Variants in GALNT13 observed in about 807,000 individuals in gnomAD.
The protein encoded by GALNT13 is polypeptide N-acetylgalactosaminyltransferase 13.
GALNT13 carries 28 observed loss-of-function variants against 64.2 expected under a neutral mutation model. That is an observed-to-expected ratio of 0.44 (90% CI 0.32 to 0.60). The LOEUF is 0.60. GALNT13 is among the 20% of genes least tolerant of loss of function. GALNT13 has a pLI of 0.05. For missense variants in GALNT13, 577 were observed against 669.8 expected (o/e 0.86, Z 1.53); for synonymous variants, 214 against 224.6 (o/e 0.95, Z 0.42).
intron 3 of GALNT13, among the ~76,000 whole-genome samples, chr2:154,050,074 C>G (rs1699502761): frequency 6.6e-6 from 1 of 152,000 alleles, no homozygotes; most frequent in South Asian, 2.1e-4. Context: ...ATATTTATGT[C>G]AGTTTTACTT....
At chr2:154,193,676 A>G (rs972254747) in intron 4 of GALNT13, among the ~76,000 whole-genome samples, 1 of 152,166 alleles carries the variant, frequency 6.6e-6, no homozygotes, top group Non-Finnish European at 1.5e-5. Context: ...TAACTCATGT[A>G]ATTTACCTCC....
the GALNT13 span, among the ~76,000 whole-genome samples, chr2:153,253,004 A>G: frequency 2.6e-5 from 4 of 151,674 alleles, no homozygotes; most frequent in Non-Finnish European, 5.9e-5. Flanking sequence ...CAATTCTGTG[A>G]AGAAAGTCAT....
intron 3 of GALNT13, among the ~76,000 whole-genome samples, chr2:154,104,060 CG>C (rs1387701897): frequency 6.6e-6 from 1 of 151,988 alleles, no homozygotes. Context: ...GGCCCAGGTG[CG>C]GGAGGAGACT....
chr2:153,365,541 T>G, the GALNT13 span, among the ~76,000 whole-genome samples: 1 of 151,876 alleles, frequency 6.6e-6, no homozygotes, highest in Non-Finnish European at 1.5e-5. Flanking sequence ...TTAAGCAAAT[T>G]TACAAGAAAA....
At chr2:154,392,513 A>G (rs1388217002) in intron 9 of GALNT13, among the ~76,000 whole-genome samples, 2 of 152,042 alleles carry the variant, frequency 1.3e-5, no homozygotes, top group East Asian at 3.9e-4. Flanking sequence ...GACAAATGTA[A>G]TTTTCTCAAG....
chr2:153,844,753 A>G, the GALNT13 span, among the ~76,000 whole-genome samples: 1 of 152,106 alleles, frequency 6.6e-6, no homozygotes, highest in Non-Finnish European at 1.5e-5. Context: ...TCTCACATCT[A>G]AGCTTAGGCT....
the GALNT13 span, among the ~76,000 whole-genome samples, chr2:153,798,595 A>G: frequency 6.6e-6 from 1 of 152,194 alleles, no homozygotes; most frequent in African/African-American, 2.4e-5. Context: ...GGTTTAAGAT[A>G]CAACCAATTA....
chr2:154,024,590 T>C (rs1242364419), intron 3 of GALNT13, among the ~76,000 whole-genome samples: 1 of 152,164 alleles, frequency 6.6e-6, no homozygotes, highest in East Asian at 1.9e-4. Context: ...GTTATCCATT[T>C]GTCTAATTTT....
At chr2:153,576,289 C>T in the GALNT13 span, among the ~76,000 whole-genome samples, 190 of 152,192 alleles carry the variant, frequency 1.2e-3, 1 homozygote, top group African/African-American at 4.2e-3. Flanking sequence ...CGAGTGCCCC[C>T]CATCCACAGT....
chr2:153,385,665 A>G, the GALNT13 span, among the ~76,000 whole-genome samples: 1 of 152,006 alleles, frequency 6.6e-6, no homozygotes, highest in Non-Finnish European at 1.5e-5. Context: ...AGTGATTATA[A>G]TCAATAATAA....
chr2:154,055,181 C>G (rs1299276941), intron 3 of GALNT13, among the ~76,000 whole-genome samples: 1 of 151,202 alleles, frequency 6.6e-6, no homozygotes, highest in Non-Finnish European at 1.5e-5. Flanking sequence ...TGTGTAGATA[C>G]AGCTATCAGT....
intron 8 of GALNT13, among the ~76,000 whole-genome samples, chr2:154,259,586 A>G (rs1270632138): frequency 1.3e-5 from 2 of 152,118 alleles, no homozygotes; most frequent in Non-Finnish European, 2.9e-5. Flanking sequence ...TAGTGTGACC[A>G]TTTTCACTAA....
chr2:154,351,576 T>G lies in GALNT13; in HGVS notation c.1157-44415T>G, dbSNP rs1300426544. Among the ~76,000 whole-genome samples the G allele has an allele frequency of 2.7e-5, 4 of 150,072 alleles. No individual in the cohort carries two copies. The East Asian group carries it at 7.9e-4, about 30-fold the overall frequency. ...CGGGCACCTGTAGTCCCAGCTACTC[T>G]GGAGGCTGAGGCAGGAGAATGGCGT... On this transcript the variant is annotated intron_variant, in intron 9 of 12. Transcript: ENST00000392825.
rs750035632 is a variant in GALNT13, at chr2:154,242,891, A to G, written c.672A>G (p.Arg224=). ...TLGWLEPLLA[R]IKEDRKTVVC... is the part of the protein sequence containing the mutation. The stretch of plus-strand genomic sequence containing the variant: ...GATGGCTGGAGCCTTTGCTGGCAAG[A>G]ATAAAGGAAGACAGGTAAGAATTTA... The change falls in exon 6 of 13, where the codon AGA becomes AGG. Residue 224 remains arginine, a synonymous_variant. Coordinates refer to ENST00000392825, the MANE Select transcript of GALNT13 (RefSeq NM_052917.4). 91 of 1,613,928 alleles carry G rather than the reference A, an allele frequency of 5.6e-5. No homozygotes were observed. Among genetic ancestry groups the G allele is most frequent in the Non-Finnish European group, 7.4e-5 (87 of 1,179,956 alleles).
the GALNT13 span, chr2:153,370,703 C>G: frequency 6.6e-6 from 1 of 152,212 alleles, no homozygotes; most frequent in Admixed American, 6.6e-5. Context: ...TGAAAGGTGT[C>G]TATAGACACA....
chr2:154,264,876 A>T (rs1573980385), intron 8 of GALNT13, among the ~76,000 whole-genome samples: 1 of 151,722 alleles, frequency 6.6e-6, no homozygotes, highest in Non-Finnish European at 1.5e-5. Context: ...ATGCCAAAGT[A>T]TCTAAGAAAA....
chr2:153,315,372 T>C, the GALNT13 span, among the ~76,000 whole-genome samples: 1 of 152,210 alleles, frequency 6.6e-6, no homozygotes, highest in Non-Finnish European at 1.5e-5. Context: ...AGCAGCTCTC[T>C]GGGGCTTCTT....
At chr2:153,144,849 C>T in the GALNT13 span, among the ~76,000 whole-genome samples, 1 of 151,686 alleles carries the variant, frequency 6.6e-6, no homozygotes, top group African/African-American at 2.4e-5. Flanking sequence ...TTTTCTTAAC[C>T]TCTCTGATCT....
chr2:153,880,474 A>G (rs1458351402), intron 1 of GALNT13, among the ~76,000 whole-genome samples: 1 of 152,160 alleles, frequency 6.6e-6, no homozygotes, highest in Non-Finnish European at 1.5e-5. Context: ...GTGGTTTAAA[A>G]AAGAGTTAAA....
Sources: allele counts gnomAD v4.1 joint callset (sites outside exome capture counted in the v4.1 genomes callset), GRCh38; gene constraint gnomAD v4.1.1; transcripts MANE v1.5; gene names NCBI Gene and HGNC (gene_info 2026-07-23, HGNC 2026-07-21).